GRXCR1: variants seen among roughly 807,000 people sequenced by gnomAD.
GRXCR1 encodes glutaredoxin domain-containing cysteine-rich protein 1.
GRXCR1 carries 27 observed loss-of-function variants against 27.3 expected under a neutral mutation model. That is an observed-to-expected ratio of 0.99 (90% CI 0.73 to 1.37). The LOEUF (loss-of-function observed/expected upper bound fraction) is 1.37, where lower values mean the gene tolerates loss of function less well. Among genes scored for constraint, GRXCR1 ranks in the 40% most tolerant of loss-of-function variants. The pLI, the probability that GRXCR1 is intolerant of heterozygous loss-of-function variation, is 0.00. For synonymous variants in GRXCR1, 122 were observed against 131.1 expected, an observed-to-expected ratio of 0.93 and a Z score of 0.47; for missense variants, 379 against 354.4, an observed-to-expected ratio of 1.07 and a Z score of -0.56.
chr4:42,961,920 G>A (rs548706730), intron 1 of GRXCR1, among the ~76,000 whole-genome samples: 2 of 152,090 alleles, frequency 1.3e-5, no homozygotes, highest in African/African-American at 4.8e-5. Context: ...TGCAAATTGT[G>A]TGGTTGTGCT....
intron 1 of GRXCR1, among the ~76,000 whole-genome samples, chr4:42,904,677 C>T (rs543089412): frequency 6.6e-6 from 1 of 152,162 alleles, no homozygotes; most frequent in South Asian, 2.1e-4. Context: ...ATGCCTGGTA[C>T]CTTATAAGTA....
rs532681073 is a variant in GRXCR1 at position 42,979,815 on chromosome 4, A to C, written c.627+16681A>C. 2.0e-5 allele frequency among the ~76,000 whole-genome samples: 3 copies of C among 152,072 alleles called. No homozygotes were observed. In the East Asian group the frequency reaches 5.8e-4, roughly 29 times the overall value. On this transcript the variant is annotated intron_variant, in intron 2 of 3. Coordinates refer to ENST00000399770, the MANE Select transcript of GRXCR1 (RefSeq NM_001080476.3). ...CAGGTCTTGGGCTTTTGTATGATGA[A>C]ATACTTTCTATTACTTATTCAATCT...
At chr4:42,910,179 A>G (rs1746689294) in intron 1 of GRXCR1, among the ~76,000 whole-genome samples, 1 of 152,094 alleles carries the variant, frequency 6.6e-6, no homozygotes. Flanking sequence ...TATCACCAGA[A>G]CGGCATGGGG....
chr4:42,989,297 G>T (rs1324702365), intron 2 of GRXCR1, among the ~76,000 whole-genome samples: 1 of 152,030 alleles, frequency 6.6e-6, no homozygotes, highest in Non-Finnish European at 1.5e-5. Flanking sequence ...GTGTCCTCAC[G>T]TGGCCTTTTC....
chr4:42,975,728 C>G lies in GRXCR1; in HGVS notation c.627+12594C>G, dbSNP rs568322463. Among the ~76,000 whole-genome samples, 13 of 152,174 alleles carry G rather than the reference C, an allele frequency of 8.5e-5. 1 individual carries two copies. Among genetic ancestry groups the G allele is most frequent in the African/African-American group, 2.9e-4 (12 of 41,546 alleles). On this transcript the variant is annotated intron_variant, in intron 2 of 3. Coordinates refer to ENST00000399770, the MANE Select transcript of GRXCR1 (RefSeq NM_001080476.3). ...CTTGGTCCATTGGTTAAATCTTTAC[C>G]TTTGACTTTTGACATTTGTTTGGCT... is the stretch of plus-strand genomic sequence containing the variant.
chr4:42,944,168 C>A (rs955559918), intron 1 of GRXCR1, among the ~76,000 whole-genome samples: 1 of 151,972 alleles, frequency 6.6e-6, no homozygotes, highest in African/African-American at 2.4e-5. Context: ...CTAGAGAAGA[C>A]TGGATGGAAG....
intron 1 of GRXCR1, among the ~76,000 whole-genome samples, chr4:42,910,092 G>A (rs1327533829): frequency 6.6e-6 from 1 of 152,102 alleles, no homozygotes; most frequent in African/African-American, 2.4e-5. Context: ...CATCTTACAT[G>A]GCAGCAGACG....
intron 2 of GRXCR1, among the ~76,000 whole-genome samples, chr4:43,006,745 G>A (rs907166454): frequency 2.0e-5 from 3 of 152,168 alleles, no homozygotes; most frequent in African/African-American, 7.2e-5. Flanking sequence ...ACCTTGTAAA[G>A]TACTTGATGT....
chr4:42,899,905 C>T (rs948276101), intron 1 of GRXCR1, among the ~76,000 whole-genome samples: 2 of 152,124 alleles, frequency 1.3e-5, no homozygotes, highest in Non-Finnish European at 2.9e-5. Flanking sequence ...TTAGAACAAC[C>T]TGCTGAGCAA....
chr4:42,994,104 T>C (rs1246157787), intron 2 of GRXCR1, among the ~76,000 whole-genome samples: 1 of 152,096 alleles, frequency 6.6e-6, no homozygotes, highest in African/African-American at 2.4e-5. Flanking sequence ...TGGCCAAAGA[T>C]GGTTCTTTAT....
In GRXCR1 at chr4:42,978,152, G is replaced by T. The variant is rs1050853716; in HGVS notation, c.627+15018G>T. On this transcript the variant is annotated intron_variant, in intron 2 of 3. Transcript: ENST00000399770. ...TCTGGCCTCTGTATTCTGTTCCTTT[G>T]GTCTATGTATCAATTTACTTGCCTT... Among the ~76,000 whole-genome samples the T allele has an allele frequency of 2.6e-5, 4 of 151,906 alleles. 1 individual carries two copies. Among genetic ancestry groups the T allele is most frequent in the African/African-American group, 9.7e-5 (4 of 41,388 alleles).
At chr4:43,016,016 T>C (rs1426404522) in intron 2 of GRXCR1, among the ~76,000 whole-genome samples, 1 of 152,182 alleles carries the variant, frequency 6.6e-6, no homozygotes, top group Non-Finnish European at 1.5e-5. Context: ...ACTACTTAAA[T>C]GTTTGATTGT....
At chr4:43,006,204 A>C (rs1246281259) in intron 2 of GRXCR1, among the ~76,000 whole-genome samples, 3 of 152,124 alleles carry the variant, frequency 2.0e-5, no homozygotes, top group Non-Finnish European at 4.4e-5. Context: ...ACCCTGTAAT[A>C]ATTGCATTAA....
At chr4:43,011,533 G>A (rs1467546147) in intron 2 of GRXCR1, among the ~76,000 whole-genome samples, 1 of 152,136 alleles carries the variant, frequency 6.6e-6, no homozygotes, top group Non-Finnish European at 1.5e-5. Context: ...TCTCATTGTT[G>A]ACAGCTCCTG....
chr4:42,948,253 C>G (rs1209214305), intron 1 of GRXCR1, among the ~76,000 whole-genome samples: 1 of 148,282 alleles, frequency 6.7e-6, no homozygotes, highest in Non-Finnish European at 1.5e-5. Context: ...TTTTTTAATA[C>G]CTGAAAGGAA....
chr4:42,935,892 G>A (rs1747445513), intron 1 of GRXCR1, among the ~76,000 whole-genome samples: 1 of 151,818 alleles, frequency 6.6e-6, no homozygotes, highest in Admixed American at 6.6e-5. Context: ...TCTTTACTCT[G>A]GGATGTTCCA....
chr4:42,920,478 C>G (rs960620910), intron 1 of GRXCR1, among the ~76,000 whole-genome samples: 1 of 152,036 alleles, frequency 6.6e-6, no homozygotes, highest in African/African-American at 2.4e-5. Context: ...ATGTGTCACA[C>G]AGAAATAGCA....
At chr4:42,898,939 C>T (rs1373758253) in intron 1 of GRXCR1, among the ~76,000 whole-genome samples, 4 of 151,974 alleles carry the variant, frequency 2.6e-5, no homozygotes, top group Non-Finnish European at 2.9e-5. Flanking sequence ...GATTAAGTGA[C>T]TTATGTAAAA....
At chr4:42,925,168 G>T (rs1274115561) in intron 1 of GRXCR1, among the ~76,000 whole-genome samples, 3 of 151,964 alleles carry the variant, frequency 2.0e-5, no homozygotes, top group Non-Finnish European at 4.4e-5. Context: ...TACAGCTCCT[G>T]TGATTCTTGG....
Sources: allele counts gnomAD v4.1 joint callset (sites outside exome capture counted in the v4.1 genomes callset), GRCh38; gene constraint gnomAD v4.1.1; transcripts MANE v1.5; gene names NCBI Gene and HGNC (gene_info 2026-07-23, HGNC 2026-07-21).